The following CTNNA3 variants were observed in gnomAD, a reference collection of about 807,000 sequenced individuals.
The protein encoded by CTNNA3 is catenin alpha 3.
A neutral mutation model predicts 95.7 loss-of-function variants in CTNNA3; 76 were observed. The observed-to-expected ratio is 0.79, with a 90% confidence interval of 0.66 to 0.96. The LOEUF (loss-of-function observed/expected upper bound fraction) is 0.96, where lower values mean the gene tolerates loss of function less well. Ranked by LOEUF, CTNNA3 falls within the 40% of genes least tolerant of loss-of-function variation. The pLI, the probability that CTNNA3 is intolerant of heterozygous loss-of-function variation, is 0.00. For missense variants in CTNNA3, 1,191 were observed against 1,089.8 expected (o/e 1.09, Z -1.31); for synonymous variants, 431 against 374.4 (o/e 1.15, Z -1.74).
chr10:67,541,329 C>T (rs1433443293), intron 3 of CTNNA3, among the ~76,000 whole-genome samples: 2 of 151,740 alleles, frequency 1.3e-5, no homozygotes, highest in Non-Finnish European at 2.9e-5. Context: ...GTTTCATTGA[C>T]TCATGAACCT....
At chr10:66,079,453 C>A (rs1224102520) in intron 14 of CTNNA3, 3 of 151,622 alleles carry the variant, frequency 2.0e-5, no homozygotes, top group African/African-American at 4.8e-5. Context: ...GAATTATATA[C>A]CTCCTAGTTT....
chr10:67,481,537 C>A (rs1450941358), intron 5 of CTNNA3, among the ~76,000 whole-genome samples: 2 of 152,022 alleles, frequency 1.3e-5, no homozygotes, highest in African/African-American at 2.4e-5. Context: ...AACTGCCCCA[C>A]CCCACCAAAA....
At chr10:67,263,482 G>A (rs1397520948) in intron 5 of CTNNA3, among the ~76,000 whole-genome samples, 1 of 152,072 alleles carries the variant, frequency 6.6e-6, no homozygotes, top group Non-Finnish European at 1.5e-5. Context: ...ATATTAACAA[G>A]GGCAGATGGT....
At chr10:67,288,928 C>T (rs1209201194) in intron 5 of CTNNA3, among the ~76,000 whole-genome samples, 2 of 152,138 alleles carry the variant, frequency 1.3e-5, no homozygotes, top group African/African-American at 4.8e-5. Flanking sequence ...TGCACCACTG[C>T]ACTCCATCCT....
At chr10:66,628,809 A>G (rs1385078492) in intron 9 of CTNNA3, among the ~76,000 whole-genome samples, 1 of 152,120 alleles carries the variant, frequency 6.6e-6, no homozygotes, top group Non-Finnish European at 1.5e-5. Context: ...GAGTTGAATC[A>G]GATACTTTGA....
chr10:67,112,780 T>A (rs1278775002), intron 7 of CTNNA3, among the ~76,000 whole-genome samples: 1 of 152,166 alleles, frequency 6.6e-6, no homozygotes, highest in South Asian at 2.1e-4. Context: ...CAATCTGCAC[T>A]GCAGGTTTAT....
At position 67,463,094 on chromosome 10, in the gene CTNNA3, G is replaced by A. The variant is rs114712957; in HGVS notation, c.579+58748C>T. Reference sequence around the variant, plus strand: ...AATTTTTCTATGTTCAGTAGAGACGGGGTTTAACCATGTTGGCCAGTCTGG... The same window carrying A: ...AATTTTTCTATGTTCAGTAGAGACGAGGTTTAACCATGTTGGCCAGTCTGG... On this transcript the variant is annotated intron_variant, in intron 5 of 17. Transcript: ENST00000433211. Among the ~76,000 whole-genome samples the A allele has an allele frequency of 5.4e-3, 819 of 151,880 alleles. 7 individuals are homozygous for A. Among genetic ancestry groups the A allele is most frequent in the African/African-American group, 0.019 (779 of 41,410 alleles).
intron 13 of CTNNA3, among the ~76,000 whole-genome samples, chr10:66,226,199 G>C (rs950831895): frequency 6.6e-6 from 1 of 152,012 alleles, no homozygotes; most frequent in Admixed American, 6.6e-5. Context: ...TTACATTTAA[G>C]TTTTCACCCA....
chr10:67,231,194 G>C (rs1159935413), intron 5 of CTNNA3, among the ~76,000 whole-genome samples: 1 of 152,254 alleles, frequency 6.6e-6, no homozygotes, highest in Non-Finnish European at 1.5e-5. Context: ...AGGCCTGCCT[G>C]CCTCTGTAGG....
rs1865423384 is a variant in CTNNA3 at position 67,235,767 on chromosome 10, T to C, written c.580-15897A>G. On this transcript the variant is annotated intron_variant, in intron 5 of 17. Coordinates refer to ENST00000433211, the MANE Select transcript of CTNNA3 (RefSeq NM_013266.4). The stretch of plus-strand genomic sequence containing the variant: ...AGAAAATTTTTGCAATCTACTCATC[T>C]GACAAAGGGCTAATATCCAGAATCT... Among the ~76,000 whole-genome samples the C allele has an allele frequency of 1.4e-5, 2 of 144,434 alleles. 1 individual carries two copies. The highest frequency in any genetic ancestry group is 5.3e-5 in the African/African-American group (2 of 37,578). The allele number at this position is 144,434 out of a possible 152,430, so 94.8% of individuals were successfully genotyped here.
intron 7 of CTNNA3, among the ~76,000 whole-genome samples, chr10:67,150,502 C>T (rs548383134): frequency 1.3e-5 from 2 of 152,240 alleles, no homozygotes; most frequent in African/African-American, 4.8e-5. Context: ...CTTCATTCCA[C>T]AAAGATCATG....
At chr10:66,395,683 C>T (rs1357723081) in intron 11 of CTNNA3, among the ~76,000 whole-genome samples, 3 of 152,038 alleles carry the variant, frequency 2.0e-5, no homozygotes, top group African/African-American at 7.2e-5. Flanking sequence ...GATTCTCTAA[C>T]AGATCCTAAT....
intron 11 of CTNNA3, among the ~76,000 whole-genome samples, chr10:66,401,575 C>T (rs1304753273): frequency 6.8e-6 from 1 of 146,944 alleles, no homozygotes; most frequent in African/African-American, 2.5e-5. Context: ...TAGTAGCTGG[C>T]ATTTAGTAGG....
intron 5 of CTNNA3, among the ~76,000 whole-genome samples, chr10:67,440,301 G>T (rs1038239336): frequency 2.0e-5 from 3 of 152,202 alleles, no homozygotes; most frequent in Non-Finnish European, 2.9e-5. Context: ...CTTGTGGTTT[G>T]AGGGCAAGCT....
At chr10:67,665,128 C>T (rs529818080) in intron 1 of CTNNA3, among the ~76,000 whole-genome samples, 2 of 152,232 alleles carry the variant, frequency 1.3e-5, no homozygotes, top group South Asian at 4.2e-4. Flanking sequence ...TGTAAGACTA[C>T]TATAGCTTGG....
chr10:66,541,999 A>C (rs191466063), intron 10 of CTNNA3, among the ~76,000 whole-genome samples: 10 of 152,242 alleles, frequency 6.6e-5, no homozygotes, highest in African/African-American at 1.9e-4. Context: ...TCTGACAAAG[A>C]GCTAATATCC....
chr10:66,453,625 C>A lies in CTNNA3; in HGVS notation c.1531+66992G>T, dbSNP rs1400667560. Among the ~76,000 whole-genome samples, 8 of 152,180 alleles carry A rather than the reference C, an allele frequency of 5.3e-5. No homozygotes were observed. The South Asian group carries it at 1.7e-3, about 32-fold the overall frequency. ...TAATCAGCCTAATCGAAGGAACAGACCACCTCTCAGGTCAGAGACTAATAA... is the reference window on the plus strand; with the variant it reads ...TAATCAGCCTAATCGAAGGAACAGAACACCTCTCAGGTCAGAGACTAATAA... On this transcript the variant is annotated intron_variant, in intron 11 of 17. Coordinates refer to ENST00000433211, the MANE Select transcript of CTNNA3 (RefSeq NM_013266.4).
intron 11 of CTNNA3, 22 bp from the exon 12 acceptor site, chr10:66,379,374 T>C: frequency 6.3e-7 from 1 of 1,594,918 alleles, no homozygotes; most frequent in East Asian, 2.2e-5. Flanking sequence ...TGAATCAAAT[T>C]AGTTTTTGCG....
At chr10:66,776,640 C>T (rs1353799915) in intron 7 of CTNNA3, among the ~76,000 whole-genome samples, 1 of 152,036 alleles carries the variant, frequency 6.6e-6, no homozygotes, top group Non-Finnish European at 1.5e-5. Flanking sequence ...GTCTCTTCTC[C>T]CCAGTTCTTA....
Sources: allele counts gnomAD v4.1 joint callset (sites outside exome capture counted in the v4.1 genomes callset), GRCh38; gene constraint gnomAD v4.1.1; transcripts MANE v1.5; gene names NCBI Gene and HGNC (gene_info 2026-07-23, HGNC 2026-07-21).